MYO5B: variants seen among roughly 807,000 people sequenced by gnomAD.
MYO5B encodes the protein myosin VB, also known as unconventional myosin-Vb.
A neutral mutation model predicts 229.3 loss-of-function variants in MYO5B; 143 were observed. The observed-to-expected ratio is 0.62, with a 90% CI of 0.54 to 0.72. The LOEUF is 0.72. Among genes scored for constraint, MYO5B ranks in the 30% least tolerant of loss-of-function variants. The pLI, the probability that MYO5B is intolerant of heterozygous loss-of-function variation, is 0.00. For synonymous variants in MYO5B, 918 were observed against 885.2 expected (o/e 1.04, Z -0.66); for missense variants, 2,321 against 2,331.0 (o/e 1.00, Z 0.09).
intron 4 of MYO5B, among the ~76,000 whole-genome samples, chr18:50,018,227 C>T (rs1392799980): frequency 6.6e-6 from 1 of 151,842 alleles, no homozygotes; most frequent in Non-Finnish European, 1.5e-5. Flanking sequence ...GTTGGGGTTA[C>T]AGGTACATGC....
intron 10 of MYO5B, among the ~76,000 whole-genome samples, chr18:49,966,878 C>T (rs1472558543): frequency 6.6e-6 from 1 of 152,134 alleles, no homozygotes; most frequent in Non-Finnish European, 1.5e-5. Context: ...AAATGACAGA[C>T]CTCAGAAAGC....
At chr18:50,034,952 A>C (rs1335597975) in intron 4 of MYO5B, among the ~76,000 whole-genome samples, 2 of 152,172 alleles carry the variant, frequency 1.3e-5, no homozygotes, top group African/African-American at 4.8e-5. Context: ...GTTCAGCTTT[A>C]ACATCCAAAC....
In MYO5B at chr18:49,826,047, A is replaced by G. The variant is rs528399751; in HGVS notation, c.*424T>C. On this transcript the variant is annotated 3_prime_UTR_variant, in exon 40 of 40. Coordinates refer to ENST00000285039, the MANE Select transcript of MYO5B (RefSeq NM_001080467.3). ...GTCAGTATATGCCATTATCATGGTTATTAGTACCATTATTTGTTAAAGCCC... is the reference window on the plus strand; with the variant it reads ...GTCAGTATATGCCATTATCATGGTTGTTAGTACCATTATTTGTTAAAGCCC... 11 of 221,612 alleles carry G rather than the reference A, an allele frequency of 5.0e-5. No homozygotes were observed. The South Asian group carries it at 7.6e-4, about 15-fold the overall frequency. 13.7% of individuals were successfully genotyped at this position (221,612 alleles called of 1,614,324 possible). A position where few individuals can be genotyped will look rare whatever the true frequency, so the allele number is the denominator to read the frequency against.
intron 1 of MYO5B, among the ~76,000 whole-genome samples, chr18:50,191,475 A>T (rs929558264): frequency 2.6e-5 from 4 of 152,206 alleles, no homozygotes; most frequent in African/African-American, 9.6e-5. Flanking sequence ...TAACCTGAGA[A>T]AAAGTACACT....
At chr18:50,080,416 C>T (rs16951467) in intron 1 of MYO5B, among the ~76,000 whole-genome samples, 5,766 of 152,214 alleles carry the variant, frequency 0.038, 360 homozygotes, top group African/African-American at 0.13. Context: ...CCTCACTCTA[C>T]GCCAATTTCT....
At position 49,936,303 on chromosome 18, in the gene MYO5B, G is replaced by A. The variant is rs886053882; in HGVS notation, c.1952C>T (p.Thr651Ile). 3 of 1,604,456 alleles carry A rather than the reference G, an allele frequency of 1.9e-6. No homozygotes were observed. The African/African-American group carries it at 4.0e-5, about 21-fold the overall frequency. ...HLLMETLNAT[T>I]PHYVRCIKPN... is the part of the protein sequence containing the mutation. Reference sequence around the variant, plus strand: ...CTTGATGCAGCGGACATAGTGAGGTGTCGTGGCATTCAGGGTCTCCATGAG... The same window carrying A: ...CTTGATGCAGCGGACATAGTGAGGTATCGTGGCATTCAGGGTCTCCATGAG... Residue 651 changes from threonine to isoleucine, a missense_variant, in exon 16 of 40, where the codon ACA becomes ATA. This residue lies in a region of MYO5B where 2,113 missense variants were observed against 2,044.7 expected (regional missense o/e 1.03). Transcript: ENST00000285039.
At chr18:50,018,136 A>G (rs2026235743) in intron 4 of MYO5B, among the ~76,000 whole-genome samples, 1 of 152,132 alleles carries the variant, frequency 6.6e-6, no homozygotes, top group Admixed American at 6.5e-5. Context: ...CTGGATGGCT[A>G]TTCACAGTTG....
intron 1 of MYO5B, among the ~76,000 whole-genome samples, chr18:50,167,629 C>A (rs780544709): frequency 2.0e-5 from 3 of 152,190 alleles, no homozygotes; most frequent in Non-Finnish European, 4.4e-5. Flanking sequence ...GCTATTTGTC[C>A]TCTAACCCAA....
chr18:49,841,296 T>C, intron 35 of MYO5B, 69 bp downstream of exon 35: 2 of 1,456,240 alleles, frequency 1.4e-6, no homozygotes, highest in Non-Finnish European at 1.9e-6. Context: ...TCTGAGGGTA[T>C]ACAAAGCACT....
Position 49,962,424 on chromosome 18 carries a change from G to A in MYO5B, c.1405-18C>T. On this transcript the variant is annotated intron_variant, in intron 11 of 39. Coordinates refer to ENST00000285039, the MANE Select transcript of MYO5B (RefSeq NM_001080467.3). The stretch of plus-strand genomic sequence containing the variant: ...AAAACATGCTAGGGCAAGTAAAAAG[G>A]TCACACGAGTGAACTGCAGGCACAC... The A allele has an allele frequency of 1.2e-6, 2 of 1,614,064 alleles. No individual in the cohort carries two copies. Among genetic ancestry groups the A allele is most frequent in the Non-Finnish European group, 1.7e-6 (2 of 1,179,990 alleles).
At chr18:50,173,871 T>C (rs113991972) in intron 1 of MYO5B, among the ~76,000 whole-genome samples, 9 of 152,320 alleles carry the variant, frequency 5.9e-5, no homozygotes, top group African/African-American at 2.2e-4. Flanking sequence ...GTCAGCATGA[T>C]GGCAAATGTT....
intron 4 of MYO5B, among the ~76,000 whole-genome samples, chr18:50,029,234 C>T (rs914707030): frequency 2.0e-5 from 3 of 152,128 alleles, no homozygotes; most frequent in Non-Finnish European, 2.9e-5. Context: ...GATAGGTGTG[C>T]ACTGGCATGG....
At chr18:49,851,108 C>T (rs749794428) in intron 31 of MYO5B, 1 of 152,226 alleles carries the variant, frequency 6.6e-6, no homozygotes, top group Non-Finnish European at 1.5e-5. Flanking sequence ...GCAATAAATG[C>T]TCTAATGCCT....
Position 49,826,598 on chromosome 18 carries a change from G to C in MYO5B, c.5420C>G (p.Pro1807Arg), listed in dbSNP as rs2023849729. Residue 1807 changes from proline (P) to arginine (R), a missense_variant, in exon 40 of 40, where the codon CCT becomes CGT. Pro to Arg is a moderately radical substitution (Grantham distance 103). Coordinates refer to ENST00000285039, the MANE Select transcript of MYO5B (RefSeq NM_001080467.3). The part of the protein sequence containing the change: ...IQAQLQERND[P>R]QQLLLDAKHM... ...CTTGGCATCTAATAGCAGTTGCTGA[G>C]GGTCATTCCGCTCTTGTAGTTGTGC... 2 of 1,613,580 alleles carry C rather than the reference G, an allele frequency of 1.2e-6. No individual in the cohort carries two copies. Among genetic ancestry groups the C allele is most frequent in the African/African-American group, 2.7e-5 (2 of 75,016 alleles).
intron 9 of MYO5B, among the ~76,000 whole-genome samples, chr18:49,978,261 G>C (rs2025774843): frequency 6.6e-6 from 1 of 152,104 alleles, no homozygotes; most frequent in Non-Finnish European, 1.5e-5. Context: ...CACTCAGTGG[G>C]TACTAGAGGG....
intron 4 of MYO5B, among the ~76,000 whole-genome samples, chr18:50,017,783 A>C (rs2026231555): frequency 6.6e-6 from 1 of 152,250 alleles, no homozygotes; most frequent in African/African-American, 2.4e-5. Context: ...CTGTTCAGAA[A>C]TCATTCCAAT....
At position 50,062,188 on chromosome 18, in the gene MYO5B, C is replaced by T. The variant is rs528485863; in HGVS notation, c.28-6810G>A. 2.6e-3 allele frequency among the ~76,000 whole-genome samples: 390 copies of T among 152,170 alleles called. 3 individuals are homozygous for T. Among genetic ancestry groups the T allele is most frequent in the Middle Eastern group, 6.8e-3 (2 of 294 alleles). ...ATGAAAAAAAAAAATGTACAAATGC[C>T]AATTAACAACGATACGCCAAGTTAA... On this transcript the variant is annotated intron_variant, in intron 1 of 39. Coordinates refer to ENST00000285039, the MANE Select transcript of MYO5B (RefSeq NM_001080467.3).
chr18:49,878,832 T>C, intron 24 of MYO5B, 113 bp downstream of exon 24: 2 of 1,296,168 alleles, frequency 1.5e-6, no homozygotes, highest in Non-Finnish European at 1.1e-6. Context: ...GCTGCACATA[T>C]GACACATGGA....
In MYO5B at chr18:49,849,528, C is replaced by T. The variant is rs1215278622; in HGVS notation, c.4315+39G>A. 3 of 1,438,508 alleles carry T rather than the reference C, an allele frequency of 2.1e-6. No homozygotes were observed. In the South Asian group the frequency reaches 3.4e-5, roughly 16 times the overall value. The allele number at this position is 1,438,508 out of a possible 1,614,324, so 89.1% of individuals were successfully genotyped here. A position where few individuals can be genotyped will look rare whatever the true frequency, so the allele number is the denominator to read the frequency against. On this transcript the variant is annotated intron_variant, in intron 32 of 39. Coordinates refer to ENST00000285039, the MANE Select transcript of MYO5B (RefSeq NM_001080467.3). ...ACACCCACAGGCGTGGCCAAGTATA[C>T]CTGTGATTCACAAAACACACTCACT... is the stretch of plus-strand genomic sequence containing the variant.
Sources: allele counts gnomAD v4.1 joint callset (sites outside exome capture counted in the v4.1 genomes callset), GRCh38; gene constraint gnomAD v4.1.1; regional missense constraint gnomAD v4.1.1; transcripts MANE v1.5; gene names NCBI Gene and HGNC (gene_info 2026-07-23, HGNC 2026-07-21).